GRIN2B: variants seen among roughly 807,000 people sequenced by gnomAD.
The protein encoded by GRIN2B is glutamate ionotropic receptor NMDA type subunit 2B.
Under a neutral mutation model 114.5 loss-of-function variants are expected in GRIN2B, and 5 were observed. The observed-to-expected ratio is 0.04, with a 90% CI of 0.02 to 0.09. GRIN2B has a LOEUF of 0.09. Ranked by LOEUF, GRIN2B falls within the 10% of genes least tolerant of loss-of-function variation. GRIN2B has a pLI of 1.00. For missense variants in GRIN2B, 1,108 were observed against 1,943.5 expected (o/e 0.57, Z 8.08); for synonymous variants, 787 against 745.1 (o/e 1.06, Z -0.92).
chr12:13,810,189 T>C (rs1344455605), intron 3 of GRIN2B, among the ~76,000 whole-genome samples: 1 of 151,156 alleles, frequency 6.6e-6, no homozygotes, highest in African/African-American at 2.4e-5. Flanking sequence ...GTACTTACTT[T>C]CCGCATAGTA....
intron 3 of GRIN2B, among the ~76,000 whole-genome samples, chr12:13,781,961 CATG>C (rs1312077617): frequency 6.6e-6 from 1 of 152,132 alleles, no homozygotes; most frequent in Non-Finnish European, 1.5e-5. Context: ...TTCTGTCTGA[CATG>C]ATAACATGAA....
rs1865693450 is a variant in GRIN2B, at chr12:13,858,015, ACT to A, written c.411+7781_411+7782del. On this transcript the variant is annotated intron_variant, in intron 3 of 13. Transcript: ENST00000609686. Reference sequence around the variant, plus strand: ...CACCCCCAGCAGCCTCTGTCTCTAGACTCTTTGTTCTGAGACACCCACAGACT... The same window carrying A: ...CACCCCCAGCAGCCTCTGTCTCTAGACTTTGTTCTGAGACACCCACAGACT... 3.3e-5 allele frequency among the ~76,000 whole-genome samples: 5 copies of A among 151,976 alleles called. No homozygotes were observed. The South Asian group carries it at 1.0e-3, about 32-fold the overall frequency.
At chr12:13,631,328 A>G (rs552081961) in intron 5 of GRIN2B, among the ~76,000 whole-genome samples, 5 of 152,160 alleles carry the variant, frequency 3.3e-5, no homozygotes, top group Non-Finnish European at 5.9e-5. Context: ...GTGACTGCCC[A>G]TGGGATGTTG....
At chr12:13,567,540 A>G (rs1256376462) in intron 12 of GRIN2B, among the ~76,000 whole-genome samples, 1 of 152,210 alleles carries the variant, frequency 6.6e-6, no homozygotes, top group Non-Finnish European at 1.5e-5. Context: ...GCTCTCCATT[A>G]TCTAGCCTGT....
intron 2 of GRIN2B, among the ~76,000 whole-genome samples, chr12:13,886,581 C>A (rs1302491331): frequency 6.6e-6 from 1 of 152,062 alleles, no homozygotes; most frequent in East Asian, 1.9e-4. Context: ...AGAAATGGCA[C>A]CATCTGAGAA....
chr12:13,538,071 G>T lies in GRIN2B; in HGVS notation c.*24712C>A, dbSNP rs1948233818. 1 of 152,224 alleles carries T rather than the reference G, an allele frequency of 6.6e-6. No individual in the cohort carries two copies. 9.4% of individuals were successfully genotyped at this position (152,224 alleles called of 1,614,324 possible). Reference sequence around the variant, plus strand: ...AAAGAATTAGTTTGCATTTGTAAAAGAATAGGGGAATAGAAATATTCAAAT... The same window carrying T: ...AAAGAATTAGTTTGCATTTGTAAAATAATAGGGGAATAGAAATATTCAAAT... On this transcript the variant is annotated 3_prime_UTR_variant, in exon 14 of 14. Coordinates refer to ENST00000609686, the MANE Select transcript of GRIN2B (RefSeq NM_000834.5).
At position 13,547,959 on chromosome 12, in the gene GRIN2B, G is replaced by GTGTATA. The variant is rs796607856; in HGVS notation, c.*14823_*14824insTATACA. On this transcript the variant is annotated 3_prime_UTR_variant, in exon 14 of 14. Coordinates refer to ENST00000609686, the MANE Select transcript of GRIN2B (RefSeq NM_000834.5). ...TATGTATGTATGTATGTATGTGTGT[G>GTGTATA]TATATATATATATATATATATATTT... 1.1e-5 allele frequency: 1 copy of GTGTATA among 91,480 alleles called. No homozygotes were observed. The highest frequency in any genetic ancestry group is 3.8e-5 in the African/African-American group (1 of 26,226). The allele number at this position is 91,480 out of a possible 1,614,324, so 5.7% of individuals were successfully genotyped here.
intron 2 of GRIN2B, among the ~76,000 whole-genome samples, chr12:13,898,383 T>C (rs1359133155): frequency 1.3e-5 from 2 of 152,258 alleles, no homozygotes; most frequent in Non-Finnish European, 2.9e-5. Context: ...GACAAGTTAC[T>C]AGCCAAAGAC....
upstream of GRIN2B, chr12:13,981,884 CACACACACACAG>C (rs979363225): frequency 2.0e-5 from 3 of 153,248 alleles, no homozygotes; most frequent in African/African-American, 7.3e-5. Flanking sequence ...ACGTGCCGCG[CACACACACACAG>C]ACACACACAC....
intron 4 of GRIN2B, among the ~76,000 whole-genome samples, chr12:13,741,532 G>A (rs1209077474): frequency 6.6e-6 from 1 of 152,022 alleles, no homozygotes; most frequent in Non-Finnish European, 1.5e-5. Context: ...TGGATCTCAG[G>A]GGGTTTGGGG....
chr12:13,892,036 G>C (rs1299348473), intron 2 of GRIN2B, among the ~76,000 whole-genome samples: 1 of 152,150 alleles, frequency 6.6e-6, no homozygotes, highest in African/African-American at 2.4e-5. Flanking sequence ...CTCAGCCTGG[G>C]ACATGTCATT....
intron 3 of GRIN2B, among the ~76,000 whole-genome samples, chr12:13,777,887 T>C (rs1864033785): frequency 6.6e-6 from 1 of 152,232 alleles, no homozygotes; most frequent in African/African-American, 2.4e-5. Flanking sequence ...ACAATATCTG[T>C]GGTCTACTTT....
chr12:13,703,431 A>C (rs551104978), intron 4 of GRIN2B, among the ~76,000 whole-genome samples: 2 of 152,198 alleles, frequency 1.3e-5, no homozygotes, highest in Admixed American at 6.5e-5. Flanking sequence ...AATAATAATA[A>C]TTTCACTTTG....
Position 13,766,945 on chromosome 12 carries a change from C to G in GRIN2B, c.412-13030G>C, listed in dbSNP as rs961371187. 3.3e-5 allele frequency among the ~76,000 whole-genome samples: 5 copies of G among 152,124 alleles called. 1 individual carries two copies. The highest frequency in any genetic ancestry group is 1.2e-4 in the African/African-American group (5 of 41,448). On this transcript the variant is annotated intron_variant, in intron 3 of 13. Transcript: ENST00000609686. Reference sequence around the variant, plus strand: ...ATGATGTGGGCTTTCAAATTTAAATCCAAGCAACTCACACAAGTAGCCTAA... The same window carrying G: ...ATGATGTGGGCTTTCAAATTTAAATGCAAGCAACTCACACAAGTAGCCTAA...
At chr12:13,823,172 T>C in intron 3 of GRIN2B, among the ~76,000 whole-genome samples, 1 of 152,204 alleles carries the variant, frequency 6.6e-6, no homozygotes, top group South Asian at 2.1e-4. Flanking sequence ...ATAAATTTTT[T>C]ATAATGACAT....
At chr12:13,575,167 A>G (rs1417867621) in intron 10 of GRIN2B, among the ~76,000 whole-genome samples, 1 of 152,246 alleles carries the variant, frequency 6.6e-6, no homozygotes, top group Non-Finnish European at 1.5e-5. Context: ...CAACACCAAA[A>G]GCACAATCCA....
In GRIN2B at chr12:13,548,000, A is replaced by G. The variant is rs1948368143; in HGVS notation, c.*14783T>C. 1 of 63,614 alleles carries G rather than the reference A, an allele frequency of 1.6e-5. No individual in the cohort carries two copies. Among genetic ancestry groups the G allele is most frequent in the South Asian group, 5.4e-4 (1 of 1,860 alleles). The allele number at this position is 63,614 out of a possible 1,614,324, so 3.9% of individuals were successfully genotyped here. On this transcript the variant is annotated 3_prime_UTR_variant, in exon 14 of 14. Transcript: ENST00000609686. The stretch of plus-strand genomic sequence containing the variant: ...ATATATATTTTTTTTTTTTTTCTGA[A>G]AGCTACAGAAGAGACCACGGAGATG...
At chr12:13,789,255 G>C (rs1864275695) in intron 3 of GRIN2B, among the ~76,000 whole-genome samples, 1 of 152,144 alleles carries the variant, frequency 6.6e-6, no homozygotes, top group African/African-American at 2.4e-5. Context: ...ACTGGCAACG[G>C]TGCAATAATG....
intron 10 of GRIN2B, among the ~76,000 whole-genome samples, chr12:13,578,457 C>G (rs1948805860): frequency 6.6e-6 from 1 of 152,114 alleles, no homozygotes; most frequent in South Asian, 2.1e-4. Context: ...ATAGGTGCTC[C>G]CATCTCCAGT....
Sources: gnomAD v4.1 joint callset for allele counts (sites outside exome capture counted in the v4.1 genomes callset) on GRCh38, gnomAD v4.1.1 for gene constraint, MANE v1.5 for transcripts, NCBI Gene and HGNC (gene_info 2026-07-23, HGNC 2026-07-21) for gene names.